GALNTL6: variants seen among roughly 807,000 people sequenced by gnomAD.
GALNTL6 encodes polypeptide N-acetylgalactosaminyltransferase like 6.
GALNTL6 carries 46 observed loss-of-function variants against 73.7 expected under a neutral mutation model. The observed-to-expected ratio is 0.62, with a 90% CI of 0.49 to 0.80. The LOEUF is 0.80. Among genes scored for constraint, GALNTL6 ranks in the 30% least tolerant of loss-of-function variants. The probability of loss-of-function intolerance (pLI) is 0.00; values close to 1 mark genes in which losing one functional copy is unlikely to be tolerated. For missense variants in GALNTL6, 604 were observed against 755.0 expected, an observed-to-expected ratio of 0.80 and a Z score of 2.34; for synonymous variants, 259 against 263.7, an observed-to-expected ratio of 0.98 and a Z score of 0.17.
chr4:172,842,415 G>A (rs7671315), intron 7 of GALNTL6, among the ~76,000 whole-genome samples: 140,857 of 152,150 alleles, frequency 0.93, 66,192 homozygotes, highest in East Asian at 1. Flanking sequence ...TCTGTGAAGG[G>A]CTTCCTGAAG....
intron 7 of GALNTL6, among the ~76,000 whole-genome samples, chr4:172,877,278 A>T (rs775640987): frequency 1.3e-5 from 2 of 152,182 alleles, no homozygotes; most frequent in Non-Finnish European, 2.9e-5. Flanking sequence ...GAAAGTAGGC[A>T]AGAATAAGCC....
chr4:172,087,587 T>C (rs1171612435), intron 2 of GALNTL6, among the ~76,000 whole-genome samples: 3 of 152,102 alleles, frequency 2.0e-5, no homozygotes, highest in African/African-American at 2.4e-5. Flanking sequence ...AAAGCATATG[T>C]AGTATGTCAC....
At chr4:172,332,947 A>G (rs1741182907) in intron 4 of GALNTL6, among the ~76,000 whole-genome samples, 1 of 152,202 alleles carries the variant, frequency 6.6e-6, no homozygotes, top group Admixed American at 6.5e-5. Flanking sequence ...GCTTTTCTCT[A>G]CATGCTTGCC....
At position 171,860,134 on chromosome 4, in the gene GALNTL6, A is replaced by T. The variant is rs59381333; in HGVS notation, c.138+45416A>T. Among the ~76,000 whole-genome samples the T allele has an allele frequency of 6.1e-3, 934 of 152,310 alleles. 12 individuals carry two copies. The highest frequency in any genetic ancestry group is 0.021 in the African/African-American group (863 of 41,570). On this transcript the variant is annotated intron_variant, in intron 2 of 12. Transcript: ENST00000506823. ...TAAATAATCCATAATAATGTTTGTC[A>T]CCACATATTTAGCTTATAGAATGTG... is the stretch of plus-strand genomic sequence containing the variant.
intron 2 of GALNTL6, among the ~76,000 whole-genome samples, chr4:172,107,204 G>A (rs1732699360): frequency 6.6e-6 from 1 of 152,118 alleles, no homozygotes; most frequent in Admixed American, 6.5e-5. Context: ...CAACTATATG[G>A]ATTATGGCTT....
At chr4:172,032,410 C>A in intron 2 of GALNTL6, among the ~76,000 whole-genome samples, 1 of 151,928 alleles carries the variant, frequency 6.6e-6, no homozygotes, top group South Asian at 2.1e-4. Context: ...GTAAAAGGAA[C>A]AATTACATTT....
At chr4:172,562,249 C>G (rs1370507718) in intron 5 of GALNTL6, among the ~76,000 whole-genome samples, 1 of 152,176 alleles carries the variant, frequency 6.6e-6, no homozygotes, top group Admixed American at 6.5e-5. Context: ...GCACTCACCC[C>G]CAATTTGGCC....
At chr4:171,967,559 G>C (rs1456745637) in intron 2 of GALNTL6, among the ~76,000 whole-genome samples, 2 of 148,990 alleles carry the variant, frequency 1.3e-5, no homozygotes, top group African/African-American at 5.0e-5. Flanking sequence ...ATTATCAGCT[G>C]GTGCATTTCA....
At chr4:172,523,575 G>A (rs1734855692) in intron 5 of GALNTL6, among the ~76,000 whole-genome samples, 1 of 152,064 alleles carries the variant, frequency 6.6e-6, no homozygotes, top group Admixed American at 6.6e-5. Context: ...ATGTTGCCCA[G>A]GCTGGTCTCA....
chr4:172,517,433 A>G (rs1431207684), intron 5 of GALNTL6, among the ~76,000 whole-genome samples: 5 of 152,104 alleles, frequency 3.3e-5, no homozygotes. Flanking sequence ...AACAGAGCCC[A>G]TATCTGCAAG....
At chr4:172,481,488 G>A (rs139366552) in intron 5 of GALNTL6, among the ~76,000 whole-genome samples, 2,288 of 150,620 alleles carry the variant, frequency 0.015, 55 homozygotes, top group African/African-American at 0.052. Flanking sequence ...ACATCCTGCT[G>A]ATTGGCCTAT....
intron 3 of GALNTL6, among the ~76,000 whole-genome samples, chr4:172,269,448 G>C (rs574841929): frequency 6.6e-6 from 1 of 152,148 alleles, no homozygotes; most frequent in Non-Finnish European, 1.5e-5. Flanking sequence ...CAGTGACCAC[G>C]GCAAATAGGG....
At chr4:172,313,522 A>G (rs1018151974) in intron 4 of GALNTL6, among the ~76,000 whole-genome samples, 3 of 152,198 alleles carry the variant, frequency 2.0e-5, no homozygotes, top group Non-Finnish European at 2.9e-5. Flanking sequence ...TCAAAAGAAG[A>G]CAGTTATTCC....
intron 5 of GALNTL6, among the ~76,000 whole-genome samples, chr4:172,715,098 A>C (rs922117029): frequency 6.9e-6 from 1 of 145,964 alleles, no homozygotes; most frequent in Non-Finnish European, 1.5e-5. Context: ...TGATTTCAAC[A>C]AAAAAAAATG....
At chr4:171,828,234 C>G (rs571213774) in intron 2 of GALNTL6, among the ~76,000 whole-genome samples, 5 of 152,160 alleles carry the variant, frequency 3.3e-5, no homozygotes, top group Admixed American at 3.3e-4. Flanking sequence ...TCAAGTATCA[C>G]GAGCATCTGC....
intron 3 of GALNTL6, among the ~76,000 whole-genome samples, chr4:172,281,420 G>T (rs1434286451): frequency 6.6e-6 from 1 of 151,826 alleles, no homozygotes; most frequent in African/African-American, 2.4e-5. Context: ...TGTTGACCAG[G>T]CGTGATGTTC....
intron 2 of GALNTL6, among the ~76,000 whole-genome samples, chr4:172,104,321 A>C (rs1030441015): frequency 1.3e-5 from 2 of 152,150 alleles, no homozygotes; most frequent in Non-Finnish European, 2.9e-5. Flanking sequence ...TCCAGAGTTT[A>C]ATGTCAAAGT....
chr4:172,198,291 T>C, intron 2 of GALNTL6, among the ~76,000 whole-genome samples: 1 of 146,096 alleles, frequency 6.8e-6, no homozygotes, highest in Admixed American at 6.8e-5. Context: ...AAAAAAAAAA[T>C]AAAACAAAAA....
At chr4:172,969,759 C>T (rs1413308273) in intron 10 of GALNTL6, among the ~76,000 whole-genome samples, 2 of 152,112 alleles carry the variant, frequency 1.3e-5, no homozygotes, top group African/African-American at 4.8e-5. Flanking sequence ...GTGTTGGAAA[C>T]GTAATCGTCA....
Sources: allele counts gnomAD v4.1 joint callset (sites outside exome capture counted in the v4.1 genomes callset), GRCh38; gene constraint gnomAD v4.1.1; transcripts MANE v1.5; gene names NCBI Gene and HGNC (gene_info 2026-07-23, HGNC 2026-07-21).